The following ADAMTS18 variants were observed in gnomAD, a reference collection of about 807,000 sequenced individuals.
ADAMTS18 encodes A disintegrin and metalloproteinase with thrombospondin motifs 18.
In ADAMTS18, 157 loss-of-function variants were observed where a neutral mutation model predicts 165.9. That is an observed-to-expected ratio of 0.95 (90% CI 0.83 to 1.08). The LOEUF (loss-of-function observed/expected upper bound fraction) is 1.08. Ranked by LOEUF, ADAMTS18 falls within the 50% of genes least tolerant of loss-of-function variation. ADAMTS18 has a pLI of 0.00. For missense variants in ADAMTS18, 2,040 were observed against 1,534.0 expected (o/e 1.33, Z -5.51); for synonymous variants, 782 against 578.2 (o/e 1.35, Z -5.06).
intron 19 of ADAMTS18, among the ~76,000 whole-genome samples, chr16:77,294,655 T>C (rs1244877620): frequency 6.6e-6 from 1 of 152,238 alleles, no homozygotes; most frequent in Non-Finnish European, 1.5e-5. Context: ...ACTGGAATCC[T>C]TTCTAGCTGT....
intron 3 of ADAMTS18, among the ~76,000 whole-genome samples, chr16:77,413,080 A>C (rs1046391097): frequency 9.2e-5 from 14 of 152,210 alleles, no homozygotes; most frequent in Admixed American, 9.2e-4. Flanking sequence ...GTTTCCATGC[A>C]GAATTCTGGC....
chr16:77,284,249 C>G (rs1410924393), intron 22 of ADAMTS18, among the ~76,000 whole-genome samples, 178 bp from the exon 23 acceptor site: 1 of 151,722 alleles, frequency 6.6e-6, no homozygotes, highest in East Asian at 1.9e-4. Flanking sequence ...CCTAAGCTTC[C>G]CAAGTAGCAG....
At chr16:77,361,445 C>G (rs2056711725) in intron 7 of ADAMTS18, among the ~76,000 whole-genome samples, 1 of 152,184 alleles carries the variant, frequency 6.6e-6, no homozygotes, top group African/African-American at 2.4e-5. Flanking sequence ...GGCACTGTTA[C>G]CTAGTGGCAC....
chr16:77,291,586 G>A (rs948860503), intron 20 of ADAMTS18, 108 bp from the exon 21 acceptor site: 3 of 1,104,474 alleles, frequency 2.7e-6, no homozygotes, highest in African/African-American at 3.0e-5. Context: ...TAGGAGGGAT[G>A]GGATTACACA....
At position 77,421,052 on chromosome 16, in the gene ADAMTS18, T is replaced by C. The variant is rs77819382; in HGVS notation, c.495+10243A>G. 7.4e-4 allele frequency among the ~76,000 whole-genome samples: 112 copies of C among 152,336 alleles called. 2 individuals are homozygous for C. The East Asian group carries it at 0.014, about 19-fold the overall frequency. On this transcript the variant is annotated intron_variant, in intron 3 of 22. Coordinates refer to ENST00000282849, the MANE Select transcript of ADAMTS18 (RefSeq NM_199355.4). ...TCTCAAATAAGGGTGTGCACATAGC[T>C]GACTTGTAGTAAATTAGTGATGTGC...
chr16:77,321,247 G>C (rs775065895), intron 14 of ADAMTS18, 45 bp from the exon 15 acceptor site: 1 of 1,612,408 alleles, frequency 6.2e-7, no homozygotes, highest in Non-Finnish European at 8.5e-7. Flanking sequence ...GATCAGAGAA[G>C]CCAGAGGCTG....
chr16:77,320,296 T>C (rs191402900), intron 15 of ADAMTS18, among the ~76,000 whole-genome samples: 147 of 152,278 alleles, frequency 9.7e-4, no homozygotes, highest in Admixed American at 1.6e-3. Flanking sequence ...TGTATGTGGC[T>C]TCCCAAAGCC....
chr16:77,311,048 A>C (rs2055770291), intron 16 of ADAMTS18, among the ~76,000 whole-genome samples: 1 of 152,194 alleles, frequency 6.6e-6, no homozygotes, highest in South Asian at 2.1e-4. Context: ...AGGCAGATGA[A>C]AATGAAATTT....
chr16:77,432,728 T>C (rs888370335), intron 2 of ADAMTS18, among the ~76,000 whole-genome samples: 8 of 151,708 alleles, frequency 5.3e-5, no homozygotes, highest in Non-Finnish European at 8.8e-5. Flanking sequence ...AAGAGAAATT[T>C]CTCTTTTCCC....
chr16:77,385,237 T>A (rs946633500), intron 3 of ADAMTS18, among the ~76,000 whole-genome samples: 1 of 152,196 alleles, frequency 6.6e-6, no homozygotes, highest in Non-Finnish European at 1.5e-5. Context: ...ATAAGATTAG[T>A]ATCCCTTGTC....
chr16:77,346,826 G>T lies in ADAMTS18; in HGVS notation c.1615-5027C>A, dbSNP rs2056484167. 2.0e-5 allele frequency among the ~76,000 whole-genome samples: 3 copies of T among 152,152 alleles called. 1 individual carries two copies. The highest frequency in any genetic ancestry group is 6.5e-5 in the Admixed American group (1 of 15,278). On this transcript the variant is annotated intron_variant, in intron 10 of 22. Coordinates refer to ENST00000282849, the MANE Select transcript of ADAMTS18 (RefSeq NM_199355.4). ...TTAAAAATCAACTTTACAGAGGTAT[G>T]ATTTATACAATAATATGCATTCATT...
chr16:77,330,754 C>T (rs80154755), intron 12 of ADAMTS18, among the ~76,000 whole-genome samples: 5,730 of 152,226 alleles, frequency 0.038, 131 homozygotes, highest in African/African-American at 0.059. Context: ...TATGAATCAG[C>T]CAAGAATCAT....
intron 10 of ADAMTS18, among the ~76,000 whole-genome samples, chr16:77,348,873 A>G (rs2056515006): frequency 6.6e-6 from 1 of 152,182 alleles, no homozygotes; most frequent in Admixed American, 6.5e-5. Flanking sequence ...AATCTTTAAC[A>G]ACAATAAAAA....
In ADAMTS18 at chr16:77,289,314, G is replaced by A. The variant is rs148588314; in HGVS notation, c.3500C>T (p.Pro1167Leu). 7.1e-5 allele frequency: 114 copies of A among 1,613,988 alleles called. No individual in the cohort carries two copies. In the African/African-American group the frequency reaches 9.9e-4, roughly 14 times the overall value. Reference protein sequence around the residue: ...SSSCLLHQKPPVLRACNTNFC... With the variant: ...SSSCLLHQKPLVLRACNTNFC... ...GTTTGTATTACAGGCTCGTAGCACC[G>A]GAGGTTTCTGATGGAGCAGACAACT... is the stretch of plus-strand genomic sequence containing the variant. Residue 1167 changes from proline (P) to leucine (L), a missense_variant, in exon 22 of 23, where the codon CCG (proline) becomes CTG (leucine). Physicochemically the swap from Pro to Leu is moderately conservative, Grantham distance 98. Coordinates refer to ENST00000282849, the MANE Select transcript of ADAMTS18 (RefSeq NM_199355.4).
intron 10 of ADAMTS18, among the ~76,000 whole-genome samples, chr16:77,344,155 GTATATATA>G (rs150411045): frequency 2.9e-5 from 4 of 140,258 alleles, no homozygotes; most frequent in Non-Finnish European, 4.6e-5. Context: ...ATGTGTGTGT[GTATATATA>G]TATATATATA....
chr16:77,391,658 A>T (rs1466336908), intron 3 of ADAMTS18, among the ~76,000 whole-genome samples: 1 of 152,194 alleles, frequency 6.6e-6, no homozygotes, highest in African/African-American at 2.4e-5. Flanking sequence ...TTGCAAAGAA[A>T]TTTGTAAATA....
chr16:77,360,045 T>A (rs1411588740), intron 7 of ADAMTS18, among the ~76,000 whole-genome samples: 1 of 152,224 alleles, frequency 6.6e-6, no homozygotes, highest in Non-Finnish European at 1.5e-5. Flanking sequence ...TCAAATACAA[T>A]ACAGTGTGTG....
chr16:77,395,171 A>G (rs1187167299), intron 3 of ADAMTS18, among the ~76,000 whole-genome samples: 1 of 152,170 alleles, frequency 6.6e-6, no homozygotes, highest in African/African-American at 2.4e-5. Context: ...GGGAAACTGG[A>G]AACTCTTCTT....
rs1016437381 is a variant in ADAMTS18 at position 77,321,174 on chromosome 16, G to A, written c.2192C>T (p.Ser731Phe). The A allele has an allele frequency of 6.2e-7, 1 of 1,614,172 alleles. No homozygotes were observed. ...GCCACAAGCATCTGAAACTGCTTTA[G>A]AGCCTAGTTCATGATCACATCCCAC... ...ELVGCDHELG[S>F]KAVSDACGVC... The change falls in exon 15 of 23, where the codon TCT becomes TTT. Residue 731 changes from serine (S) to phenylalanine (F), a missense_variant. Transcript: ENST00000282849.
Sources: gnomAD v4.1 joint callset for allele counts (sites outside exome capture counted in the v4.1 genomes callset) on GRCh38, gnomAD v4.1.1 for gene constraint, MANE v1.5 for transcripts, NCBI Gene and HGNC (gene_info 2026-07-23, HGNC 2026-07-21) for gene names.